Variants in GABRA5 observed in about 807,000 individuals in gnomAD.
GABRA5 encodes the protein gamma-aminobutyric acid type A receptor subunit alpha5.
GABRA5 carries 18 observed loss-of-function variants against 47.3 expected under a neutral mutation model. The observed-to-expected ratio is 0.38, with a 90% CI of 0.26 to 0.56. GABRA5 has a LOEUF of 0.56. Ranked by LOEUF, GABRA5 falls within the 20% of genes least tolerant of loss-of-function variation. The pLI is 0.71. For missense variants in GABRA5, 365 were observed against 599.3 expected (o/e 0.61, Z 4.08); for synonymous variants, 237 against 229.3 (o/e 1.03, Z -0.30).
chr15:26,901,271 G>T (rs968007175), intron 6 of GABRA5, among the ~76,000 whole-genome samples: 3 of 152,152 alleles, frequency 2.0e-5, no homozygotes, highest in Non-Finnish European at 4.4e-5. Flanking sequence ...TTGCATTCAC[G>T]TCAGCAGTTA....
intron 6 of GABRA5, among the ~76,000 whole-genome samples, chr15:26,886,083 G>A (rs1038247967): frequency 6.6e-6 from 1 of 152,036 alleles, no homozygotes; most frequent in Non-Finnish European, 1.5e-5. Flanking sequence ...ACAATGGCAC[G>A]ATCTCGGTTC....
chr15:26,914,907 G>A (rs1426213754), intron 7 of GABRA5, 22 bp downstream of exon 7: 1 of 1,597,662 alleles, frequency 6.3e-7, no homozygotes, highest in Non-Finnish European at 8.6e-7. Context: ...TCACAAGTAA[G>A]AGCCTTGGAC....
intron 6 of GABRA5, among the ~76,000 whole-genome samples, chr15:26,907,645 C>T (rs1350217744): frequency 6.6e-6 from 1 of 152,138 alleles, no homozygotes; most frequent in Non-Finnish European, 1.5e-5. Flanking sequence ...CAGAATGGGA[C>T]CAGTACACAC....
At chr15:26,932,168 C>T (rs572655505) in intron 7 of GABRA5, among the ~76,000 whole-genome samples, 20 of 152,286 alleles carry the variant, frequency 1.3e-4, no homozygotes, top group African/African-American at 4.6e-4. Flanking sequence ...ACACTATCAT[C>T]AGTGTGAACA....
chr15:26,941,180 A>G (rs1351235025), intron 9 of GABRA5, among the ~76,000 whole-genome samples: 1 of 152,124 alleles, frequency 6.6e-6, no homozygotes, highest in Non-Finnish European at 1.5e-5. Flanking sequence ...TGTTTCAGGA[A>G]GGTGTGGAGG....
chr15:26,941,306 T>A (rs1009065064), intron 9 of GABRA5, among the ~76,000 whole-genome samples: 1 of 152,056 alleles, frequency 6.6e-6, no homozygotes, highest in Non-Finnish European at 1.5e-5. Flanking sequence ...ATTGTTGGGT[T>A]TTTTGGCGGG....
At chr15:26,893,155 CGT>C (rs931057198) in intron 6 of GABRA5, among the ~76,000 whole-genome samples, 68 of 91,482 alleles carry the variant, frequency 7.4e-4, no homozygotes, top group African/African-American at 2.3e-3. Context: ...TGGTGTGTGG[CGT>C]GTGTGGGGTG....
Position 26,937,059 on chromosome 15 carries a change from G to A in GABRA5, c.581-126G>A, listed in dbSNP as rs2140580588. 4.3e-6 allele frequency: 5 copies of A among 1,160,142 alleles called. No homozygotes were observed. The South Asian group carries it at 6.3e-5, about 15-fold the overall frequency. The allele number at this position is 1,160,142 out of a possible 1,614,324, so 71.9% of individuals were successfully genotyped here. On this transcript the variant is annotated intron_variant, in intron 7 of 10. Coordinates refer to ENST00000335625, the MANE Select transcript of GABRA5 (RefSeq NM_000810.4). The stretch of plus-strand genomic sequence containing the variant: ...GTCCAACCACCCTATGCATTTTTTA[G>A]GTCATGGAACCTTGACTTTTCAAAC...
At chr15:26,899,597 T>C (rs1893278656) in intron 6 of GABRA5, among the ~76,000 whole-genome samples, 1 of 152,242 alleles carries the variant, frequency 6.6e-6, no homozygotes. Flanking sequence ...GTCTGATATA[T>C]TTTTGAGTTT....
Position 26,918,631 on chromosome 15 carries a change from C to T in GABRA5, c.580+3746C>T, listed in dbSNP as rs183594100. 6.6e-5 allele frequency among the ~76,000 whole-genome samples: 10 copies of T among 152,206 alleles called. No individual in the cohort carries two copies. In the East Asian group the frequency reaches 1.7e-3, roughly 26 times the overall value. On this transcript the variant is annotated intron_variant, in intron 7 of 10. Coordinates refer to ENST00000335625, the MANE Select transcript of GABRA5 (RefSeq NM_000810.4). The stretch of plus-strand genomic sequence containing the variant: ...TGCATTATATTTTCAGTTGTTCTTA[C>T]GTTGGGTGCATATTTACTTATAATT...
intron 6 of GABRA5, among the ~76,000 whole-genome samples, chr15:26,894,156 C>T (rs1465749871): frequency 6.6e-6 from 1 of 152,172 alleles, no homozygotes; most frequent in Non-Finnish European, 1.5e-5. Context: ...GACCTGGGCC[C>T]GGACTCTGCG....
chr15:26,935,426 CT>C (rs1267124132), intron 7 of GABRA5, among the ~76,000 whole-genome samples: 1 of 152,226 alleles, frequency 6.6e-6, no homozygotes, highest in East Asian at 1.9e-4. Context: ...CCTCTGCCCC[CT>C]AACCATGGAG....
At chr15:26,931,191 G>A (rs193159568) in intron 7 of GABRA5, among the ~76,000 whole-genome samples, 30 of 152,238 alleles carry the variant, frequency 2.0e-4, no homozygotes, top group African/African-American at 5.5e-4. Context: ...AAGCCACTGC[G>A]CCCGGCCGCC....
At chr15:26,939,396 G>C in intron 8 of GABRA5, 2 of 765,266 alleles carry the variant, frequency 2.6e-6, no homozygotes, top group South Asian at 2.7e-5. Context: ...GTGGCAGAAG[G>C]GTTGAGCTGC....
At chr15:26,901,144 A>G (rs1369445509) in intron 6 of GABRA5, among the ~76,000 whole-genome samples, 1 of 152,166 alleles carries the variant, frequency 6.6e-6, no homozygotes, top group African/African-American at 2.4e-5. Flanking sequence ...GCTTTTGTGT[A>G]GGCATAAGTT....
intron 8 of GABRA5, chr15:26,939,201 A>G (rs1303743506): frequency 6.6e-6 from 5 of 762,318 alleles, no homozygotes; most frequent in Admixed American, 1.7e-5. Flanking sequence ...CGGGCCTCAC[A>G]CTCCCTGACC....
intron 8 of GABRA5, chr15:26,939,204 C>T (rs1191742182): frequency 1.3e-6 from 1 of 763,838 alleles, no homozygotes. Flanking sequence ...GCCTCACACT[C>T]CCTGACCACA....
chr15:26,917,556 T>C (rs1022347133), intron 7 of GABRA5, among the ~76,000 whole-genome samples: 2 of 152,224 alleles, frequency 1.3e-5, no homozygotes. Flanking sequence ...TGACCACTTT[T>C]CATATGAGAG....
At chr15:26,899,390 G>C (rs143777274) in intron 6 of GABRA5, among the ~76,000 whole-genome samples, 1 of 152,106 alleles carries the variant, frequency 6.6e-6, no homozygotes. Context: ...CTCCCTGTGC[G>C]CTTGAGAAGA....
Sources: gnomAD v4.1 joint callset for allele counts (sites outside exome capture counted in the v4.1 genomes callset) on GRCh38, gnomAD v4.1.1 for gene constraint, MANE v1.5 for transcripts, NCBI Gene and HGNC (gene_info 2026-07-23, HGNC 2026-07-21) for gene names.